Variants in PAG1 observed in about 807,000 individuals in gnomAD.
PAG1 encodes phosphoprotein associated with glycosphingolipid-enriched microdomains 1.
In PAG1, 23 loss-of-function variants were observed where a neutral mutation model predicts 31.7. The observed-to-expected ratio is 0.73, with a 90% CI of 0.52 to 1.03. The LOEUF is 1.03. Ranked by LOEUF, PAG1 falls within the 50% of genes least tolerant of loss-of-function variation. The probability of loss-of-function intolerance (pLI) is 0.00; values close to 1 mark genes in which losing one functional copy is unlikely to be tolerated. For missense variants in PAG1, 473 were observed against 540.7 expected (o/e 0.87, Z 1.24); for synonymous variants, 214 against 210.3 (o/e 1.02, Z -0.15).
intron 2 of PAG1, among the ~76,000 whole-genome samples, chr8:81,065,780 G>A (rs1808994362): frequency 1.3e-5 from 2 of 149,408 alleles, no homozygotes; most frequent in South Asian, 4.2e-4. Context: ...AATAGACTAT[G>A]TATTTTATAT....
chr8:80,981,203 G>C (rs1807292970), intron 7 of PAG1, among the ~76,000 whole-genome samples: 1 of 151,926 alleles, frequency 6.6e-6, no homozygotes, highest in Non-Finnish European at 1.5e-5. Flanking sequence ...ACCAGCCCAA[G>C]TCCTTGCAAC....
chr8:80,991,970 T>C (rs1169271264), intron 4 of PAG1, among the ~76,000 whole-genome samples: 1 of 151,788 alleles, frequency 6.6e-6, no homozygotes, highest in East Asian at 1.9e-4. Context: ...GAAGGGTACA[T>C]GCTCTCAGGG....
intron 3 of PAG1, among the ~76,000 whole-genome samples, chr8:81,008,005 G>C (rs148922567): frequency 2.3e-4 from 35 of 152,266 alleles, no homozygotes; most frequent in African/African-American, 7.9e-4. Flanking sequence ...ACTCATCTAG[G>C]AAAATCAAGG....
intron 3 of PAG1, among the ~76,000 whole-genome samples, chr8:81,029,011 G>GA (rs1485457490): frequency 6.6e-6 from 1 of 152,148 alleles, no homozygotes; most frequent in Non-Finnish European, 1.5e-5. Flanking sequence ...TCTAAACAGA[G>GA]AAAGTTGACA....
intron 1 of PAG1, among the ~76,000 whole-genome samples, chr8:81,099,920 G>C (rs1458119145): frequency 6.6e-6 from 1 of 152,216 alleles, no homozygotes; most frequent in Non-Finnish European, 1.5e-5. Flanking sequence ...AATTCCTGAA[G>C]TAACACTTTT....
At chr8:81,036,817 T>G (rs1013961009) in intron 2 of PAG1, 1 of 152,246 alleles carries the variant, frequency 6.6e-6, no homozygotes, top group Admixed American at 6.5e-5. Flanking sequence ...TTTCAGCCTT[T>G]CTGGTATTTA....
chr8:80,981,960 G>C (rs1396589157), intron 7 of PAG1, among the ~76,000 whole-genome samples: 1 of 143,456 alleles, frequency 7.0e-6, no homozygotes, highest in African/African-American at 2.8e-5. Flanking sequence ...TGACCTCCCA[G>C]GCTCAAGCCA....
chr8:81,003,706 C>T (rs1807827192), intron 3 of PAG1, among the ~76,000 whole-genome samples: 1 of 152,094 alleles, frequency 6.6e-6, no homozygotes, highest in Admixed American at 6.5e-5. Context: ...TTCTTTTGAA[C>T]CCTTAGTTTC....
At chr8:80,977,044 T>G in intron 8 of PAG1, 138 bp from the exon 9 acceptor site, 1 of 722,296 alleles carries the variant, frequency 1.4e-6, no homozygotes, top group Non-Finnish European at 2.3e-6. Flanking sequence ...TTATCTGTAC[T>G]AATTATGGAG....
chr8:81,103,097 T>C (rs2131118624), intron 1 of PAG1, among the ~76,000 whole-genome samples: 1 of 151,830 alleles, frequency 6.6e-6, no homozygotes, highest in South Asian at 2.1e-4. Context: ...ATATTTATAC[T>C]CAGATTCTTT....
intron 1 of PAG1, among the ~76,000 whole-genome samples, chr8:81,086,203 G>A (rs546401315): frequency 1.3e-5 from 2 of 151,434 alleles, no homozygotes; most frequent in Admixed American, 1.3e-4. Flanking sequence ...GGATGGTCTC[G>A]ATCTCCTGAC....
intron 3 of PAG1, among the ~76,000 whole-genome samples, chr8:81,022,255 A>G (rs557553121): frequency 1.3e-5 from 2 of 152,334 alleles, no homozygotes; most frequent in East Asian, 3.9e-4. Flanking sequence ...AATTCAGAAA[A>G]ATGTTGCAAC....
intron 2 of PAG1, among the ~76,000 whole-genome samples, chr8:81,043,138 C>T (rs1808583131): frequency 6.6e-6 from 1 of 152,142 alleles, no homozygotes; most frequent in Non-Finnish European, 1.5e-5. Context: ...TTCCACCCCT[C>T]CTCTACTTTC....
chr8:81,074,370 T>C (rs915292122), intron 1 of PAG1, among the ~76,000 whole-genome samples: 3 of 152,026 alleles, frequency 2.0e-5, no homozygotes, highest in Non-Finnish European at 2.9e-5. Context: ...TGCAAAAGAA[T>C]AATTATAACA....
At chr8:81,005,938 A>C (rs1465044211) in intron 3 of PAG1, among the ~76,000 whole-genome samples, 1 of 152,094 alleles carries the variant, frequency 6.6e-6, no homozygotes, top group Non-Finnish European at 1.5e-5. Context: ...TTAATTTTTA[A>C]ATTTAAATTT....
At chr8:81,085,703 G>A (rs761217366) in intron 1 of PAG1, among the ~76,000 whole-genome samples, 1 of 152,154 alleles carries the variant, frequency 6.6e-6, no homozygotes, top group Non-Finnish European at 1.5e-5. Context: ...CACAGCTGAG[G>A]TATAGCACAG....
chr8:80,984,927 A>G lies in PAG1; in HGVS notation c.725T>C (p.Val242Ala). 2 of 1,614,120 alleles carry G rather than the reference A, an allele frequency of 1.2e-6. No individual in the cohort carries two copies. Among genetic ancestry groups the G allele is most frequent in the Non-Finnish European group, 8.5e-7 (1 of 1,180,008 alleles). ...ACATGAATTTCCAAGGATACTCTCTACATTAACACTTTGACGACATTTTTT... is the reference window on the plus strand; with the variant it reads ...ACATGAATTTCCAAGGATACTCTCTGCATTAACACTTTGACGACATTTTTT... ...RNKKCRQSVN[V>A]ESILGNSCDP... The change falls in exon 7 of 9, where the codon GTA becomes GCA. Residue 242 changes from valine to alanine, a missense_variant. Coordinates refer to ENST00000220597, the MANE Select transcript of PAG1 (RefSeq NM_018440.4).
At chr8:81,013,416 G>A (rs1021923388) in intron 3 of PAG1, among the ~76,000 whole-genome samples, 5 of 152,050 alleles carry the variant, frequency 3.3e-5, no homozygotes, top group Non-Finnish European at 5.9e-5. Flanking sequence ...CTCAGTGTGC[G>A]CAAGGCTATA....
chr8:81,018,645 T>C (rs1808111691), intron 3 of PAG1, among the ~76,000 whole-genome samples: 1 of 152,260 alleles, frequency 6.6e-6, no homozygotes, highest in Admixed American at 6.5e-5. Flanking sequence ...ACATGCTCTC[T>C]TGCCTGCTGC....
Sources: gnomAD v4.1 joint callset for allele counts (sites outside exome capture counted in the v4.1 genomes callset) on GRCh38, gnomAD v4.1.1 for gene constraint, MANE v1.5 for transcripts, NCBI Gene and HGNC (gene_info 2026-07-23, HGNC 2026-07-21) for gene names.